The following USP24 variants were observed in gnomAD, a reference collection of about 807,000 sequenced individuals.
USP24 encodes ubiquitin specific peptidase 24.
USP24 carries 97 observed loss-of-function variants against 361.6 expected under a neutral mutation model. The ratio of observed to expected loss-of-function variants is 0.27; its 90% CI spans 0.23 to 0.32. USP24 has a LOEUF of 0.32. Ranked by LOEUF, USP24 falls within the 10% of genes least tolerant of loss-of-function variation. The pLI is 1.00. For synonymous variants in USP24, 1,098 were observed against 1,124.6 expected (o/e 0.98, Z 0.47); for missense variants, 2,353 against 3,165.6 (o/e 0.74, Z 6.16).
chr1:55,126,754 A>T (rs913708223), intron 32 of USP24, among the ~76,000 whole-genome samples: 1 of 151,890 alleles, frequency 6.6e-6, no homozygotes, highest in African/African-American at 2.4e-5. Flanking sequence ...TCATTTCCCT[A>T]TTTCCCATCC....
chr1:55,140,268 T>TA (rs1195410628), intron 24 of USP24, among the ~76,000 whole-genome samples: 42 of 152,244 alleles, frequency 2.8e-4, no homozygotes, highest in Non-Finnish European at 5.3e-4. Context: ...AGTTTGGACA[T>TA]CCTAACCCAA....
At chr1:55,101,850 A>G (rs1181598452) in intron 42 of USP24, 147 bp from the exon 43 acceptor site, 2 of 1,034,346 alleles carry the variant, frequency 1.9e-6, no homozygotes, top group African/African-American at 3.3e-5. Flanking sequence ...ACCTATGTTC[A>G]TGAAGTACCT....
Position 55,107,415 on chromosome 1 carries a change from T to C in USP24, c.4586A>G (p.Gln1529Arg), listed in dbSNP as rs1393388116. 3.1e-6 allele frequency: 5 copies of C among 1,599,800 alleles called. No homozygotes were observed. Among genetic ancestry groups the C allele is most frequent in the Non-Finnish European group, 4.3e-6 (5 of 1,175,160 alleles). ...LDDLTTSEMEQLRISPATMLE... is the reference protein window; with the variant it reads ...LDDLTTSEMERLRISPATMLE... ...CATCGTAGCTGGGCTGATCCTTAAC[T>C]GCTCCATTTCTGAAGCTAAGAAGGA... The change falls in exon 40 of 68, where the codon CAG becomes CGG. Residue 1529 changes from glutamine (Q) to arginine (R), a missense_variant. Gln to Arg is a conservative substitution (Grantham distance 43, BLOSUM62 1). Coordinates refer to ENST00000294383, the MANE Select transcript of USP24 (RefSeq NM_015306.3).
At chr1:55,095,977 T>C (rs1645487380) in intron 50 of USP24, among the ~76,000 whole-genome samples, 2 of 152,260 alleles carry the variant, frequency 1.3e-5, no homozygotes, top group Admixed American at 1.3e-4. Flanking sequence ...AATAGCTTTT[T>C]ATCAAATAGC....
intron 63 of USP24, among the ~76,000 whole-genome samples, chr1:55,074,566 A>C (rs1644985160): frequency 1.3e-5 from 2 of 152,030 alleles, no homozygotes; most frequent in Admixed American, 6.6e-5. Flanking sequence ...CTTGTGGGGC[A>C]GAGTTTGCAG....
chr1:55,115,438 G>A (rs1334416520), intron 38 of USP24, among the ~76,000 whole-genome samples: 1 of 125,482 alleles, frequency 8.0e-6, no homozygotes, highest in African/African-American at 2.8e-5. Context: ...GGAGCTTGCA[G>A]TGAGCCGAGA....
At chr1:55,117,803 T>A (rs1646165531) in intron 38 of USP24, among the ~76,000 whole-genome samples, 1 of 150,718 alleles carries the variant, frequency 6.6e-6, no homozygotes, top group Non-Finnish European at 1.5e-5. Flanking sequence ...TCAGCAAAGT[T>A]GCAGCATACA....
At chr1:55,211,484 A>G (rs1264876112) in intron 1 of USP24, among the ~76,000 whole-genome samples, 2 of 152,226 alleles carry the variant, frequency 1.3e-5, no homozygotes, top group African/African-American at 4.8e-5. Flanking sequence ...GTGTTTTGCT[A>G]GATATCTGGG....
chr1:55,186,158 A>C (rs1167939260), intron 1 of USP24, among the ~76,000 whole-genome samples: 2 of 152,248 alleles, frequency 1.3e-5, no homozygotes, highest in Non-Finnish European at 2.9e-5. Flanking sequence ...CTTCCAAAAA[A>C]TAGAAAAGCA....
intron 61 of USP24, among the ~76,000 whole-genome samples, chr1:55,078,000 A>G (rs901168359): frequency 6.6e-6 from 1 of 152,232 alleles, no homozygotes; most frequent in Non-Finnish European, 1.5e-5. Context: ...TCTGTAGAGA[A>G]AAGGCTGAGG....
At position 55,101,503 on chromosome 1, in the gene USP24, A is replaced by G. The variant is rs1570404028; in HGVS notation, c.5145+81T>C. ...ATGTCTTGTTTTAGGAAACCCCAAAAGCAATAAAAAACTATGAAACAATTT... is the reference window on the plus strand; with the variant it reads ...ATGTCTTGTTTTAGGAAACCCCAAAGGCAATAAAAAACTATGAAACAATTT... On this transcript the variant is annotated intron_variant, in intron 43 of 67. Transcript: ENST00000294383. The G allele has an allele frequency of 3.9e-6, 6 of 1,535,034 alleles. No individual in the cohort carries two copies. The East Asian group carries it at 1.5e-4, about 38-fold the overall frequency.
intron 51 of USP24, among the ~76,000 whole-genome samples, chr1:55,094,728 G>A (rs507143): frequency 0.65 from 95,339 of 146,334 alleles, 34,397 homozygotes; most frequent in East Asian, 0.91. Flanking sequence ...TCCAGGTATG[G>A]TGACTTATGC....
intron 32 of USP24, among the ~76,000 whole-genome samples, 165 bp downstream of exon 32, chr1:55,129,312 A>G (rs545357052): frequency 6.6e-6 from 1 of 152,354 alleles, no homozygotes; most frequent in East Asian, 1.9e-4. Flanking sequence ...TTATAAAATG[A>G]TTTAAAATAT....
At chr1:55,086,178 C>T in intron 55 of USP24, 140 bp from the exon 56 acceptor site, 1 of 716,716 alleles carries the variant, frequency 1.4e-6, no homozygotes, top group South Asian at 1.8e-5. Context: ...CCAAGTGGAG[C>T]TTTCCAAGGT....
chr1:55,117,946 T>C (rs1281416345), intron 38 of USP24, among the ~76,000 whole-genome samples: 2 of 152,056 alleles, frequency 1.3e-5, no homozygotes, highest in Non-Finnish European at 2.9e-5. Context: ...ACAAAAGACT[T>C]GTACAGTGAA....
chr1:55,134,792 A>G (rs1409973431), intron 28 of USP24, among the ~76,000 whole-genome samples: 4 of 152,236 alleles, frequency 2.6e-5, no homozygotes, highest in African/African-American at 9.6e-5. Flanking sequence ...GTGAAAACAA[A>G]AGTAGTGTGT....
chr1:55,121,412 G>A, intron 37 of USP24, 24 bp downstream of exon 37: 1 of 1,605,202 alleles, frequency 6.2e-7, no homozygotes, highest in Non-Finnish European at 8.5e-7. Context: ...AAGGAGTTTT[G>A]TAAGTAATGT....
rs915697667 is a variant in USP24, at chr1:55,174,028, C to A, written c.559-1508G>T. On this transcript the variant is annotated intron_variant, in intron 3 of 67. Transcript: ENST00000294383. ...GGCAGTACCTTGTGAAGAAGATGCA[C>A]ACAAGGTTTAAACATAACCATGCAC... Among the ~76,000 whole-genome samples, 85 of 152,174 alleles carry A rather than the reference C, an allele frequency of 5.6e-4. 6 individuals are homozygous for A. The highest frequency in any genetic ancestry group is 7.3e-5 in the Non-Finnish European group (5 of 68,044).
intron 38 of USP24, among the ~76,000 whole-genome samples, chr1:55,111,432 A>G (rs888187542): frequency 1.1e-4 from 16 of 152,106 alleles, no homozygotes. Flanking sequence ...CTGACTTACA[A>G]CAAGTATAAG....
Sources: gnomAD v4.1 joint callset for allele counts (sites outside exome capture counted in the v4.1 genomes callset) on GRCh38, gnomAD v4.1.1 for gene constraint, MANE v1.5 for transcripts, NCBI Gene and HGNC (gene_info 2026-07-23, HGNC 2026-07-21) for gene names.